Variants in GNE observed in about 807,000 individuals in gnomAD.
GNE encodes bifunctional UDP-N-acetylglucosamine 2-epimerase/N-acetylmannosamine kinase.
A neutral mutation model predicts 61.8 loss-of-function variants in GNE; 41 were observed. The observed-to-expected ratio is 0.66, with a 90% confidence interval of 0.52 to 0.86. The LOEUF is 0.86. Among genes scored for constraint, GNE ranks in the 40% least tolerant of loss-of-function variants. The pLI is 0.00. For synonymous variants in GNE, 264 were observed against 326.4 expected, an observed-to-expected ratio of 0.81 and a Z score of 2.06; for missense variants, 608 against 909.1, an observed-to-expected ratio of 0.67 and a Z score of 4.26.
intron 4 of GNE, among the ~76,000 whole-genome samples, chr9:36,235,857 T>G (rs1829368422): frequency 6.6e-6 from 1 of 152,166 alleles, no homozygotes; most frequent in Non-Finnish European, 1.5e-5. Flanking sequence ...GCCTAAGAAC[T>G]CAACAATGAG....
chr9:36,246,352 G>C lies in GNE; in HGVS notation c.295C>G (p.Leu99Val), dbSNP rs1829874612. 1 of 1,613,952 alleles carries C rather than the reference G, an allele frequency of 6.2e-7. No homozygotes were observed. The highest frequency in any genetic ancestry group is 8.5e-7 in the Non-Finnish European group (1 of 1,179,920). Residue 99 changes from leucine (L) to valine (V), a missense_variant, in exon 3 of 12, where the codon CTT becomes GTT. Physicochemically the swap from Leu to Val is conservative, Grantham distance 32. Coordinates refer to ENST00000642385, the MANE Select transcript of GNE (RefSeq NM_005476.7). ...GLALVKLPDV[L>V]NRLKPDIMIV... is the part of the protein sequence containing the mutation. ...ATGATATCAGGCTTCAGGCGATTAA[G>C]GACATCTGGCAGCTTCACTAGGGCC...
intron 2 of GNE, among the ~76,000 whole-genome samples, chr9:36,248,136 A>G (rs1018597268): frequency 6.6e-6 from 1 of 152,132 alleles, no homozygotes; most frequent in Non-Finnish European, 1.5e-5. Context: ...TTTTTAAAGA[A>G]TAGTCTGAAA....
intron 6 of GNE, 27 bp downstream of exon 6, chr9:36,228,994 A>G: frequency 7.9e-7 from 1 of 1,264,266 alleles, no homozygotes; most frequent in Non-Finnish European, 1.2e-6. Flanking sequence ...CTTTTAAATC[A>G]CTCAACAAAG....
rs1383409516 is a variant in GNE, at chr9:36,215,740, A to C, written c.*1625T>G. 6.6e-6 allele frequency: 1 copy of C among 152,420 alleles called. No homozygotes were observed. Among genetic ancestry groups the C allele is most frequent in the Non-Finnish European group, 1.5e-5 (1 of 68,202 alleles). 9.4% of individuals were successfully genotyped at this position (152,420 alleles called of 1,614,324 possible). ...CAGTTAGTATTTCTTCCAAGTTAAC[A>C]ATTCATAGCCAGAACTTTGGCTTTT... On this transcript the variant is annotated 3_prime_UTR_variant, in exon 12 of 12. Coordinates refer to ENST00000642385, the MANE Select transcript of GNE (RefSeq NM_005476.7).
intron 5 of GNE, among the ~76,000 whole-genome samples, chr9:36,230,311 G>A (rs1829083058): frequency 6.6e-6 from 1 of 152,048 alleles, no homozygotes; most frequent in Non-Finnish European, 1.5e-5. Context: ...TATTTTGGGG[G>A]CTTTATAGAT....
chr9:36,226,316 G>A (rs1828861291), intron 7 of GNE, among the ~76,000 whole-genome samples: 1 of 151,536 alleles, frequency 6.6e-6, no homozygotes, highest in Non-Finnish European at 1.5e-5. Flanking sequence ...GGGATTACAG[G>A]TGCCTGCCAC....
chr9:36,234,480 T>G (rs1829311534), intron 4 of GNE, among the ~76,000 whole-genome samples: 1 of 152,068 alleles, frequency 6.6e-6, no homozygotes, highest in Non-Finnish European at 1.5e-5. Flanking sequence ...AGTTCCCAAA[T>G]GGAACCCTCT....
intron 1 of GNE, among the ~76,000 whole-genome samples, chr9:36,256,942 G>C (rs1287014835): frequency 6.6e-6 from 1 of 151,892 alleles, no homozygotes; most frequent in East Asian, 1.9e-4. Flanking sequence ...CGCGGTGGCT[G>C]ACGCCTGTAA....
intron 1 of GNE, among the ~76,000 whole-genome samples, chr9:36,253,593 T>C (rs746522435): frequency 6.6e-6 from 1 of 152,062 alleles, no homozygotes; most frequent in Non-Finnish European, 1.5e-5. Context: ...TCTTACTTTT[T>C]AAAATGCTTT....
chr9:36,257,781 C>A (rs1258805898), intron 1 of GNE, among the ~76,000 whole-genome samples: 1 of 106,724 alleles, frequency 9.4e-6, no homozygotes, highest in South Asian at 3.2e-4. Flanking sequence ...CCAGCCTGGG[C>A]GACAGAGCGA....
chr9:36,247,512 C>A (rs1034743141), intron 2 of GNE, among the ~76,000 whole-genome samples: 3 of 152,110 alleles, frequency 2.0e-5, no homozygotes, highest in Non-Finnish European at 2.9e-5. Context: ...TCCTATTTAA[C>A]GGTCTCATCA....
At chr9:36,275,023 C>T (rs1031531562) in intron 1 of GNE, among the ~76,000 whole-genome samples, 7 of 152,200 alleles carry the variant, frequency 4.6e-5, no homozygotes, top group Admixed American at 1.3e-4. Flanking sequence ...CGCACCCGGC[C>T]GGTTTCACAA....
intron 3 of GNE, among the ~76,000 whole-genome samples, chr9:36,241,119 CT>C (rs36007906): frequency 1.9e-3 from 276 of 143,292 alleles, no homozygotes; most frequent in Non-Finnish European, 2.2e-3. Flanking sequence ...GTTTCATTTA[CT>C]TTTTTTTTTT....
At chr9:36,267,308 C>A (rs1405527582) in intron 1 of GNE, among the ~76,000 whole-genome samples, 1 of 152,202 alleles carries the variant, frequency 6.6e-6, no homozygotes, top group Non-Finnish European at 1.5e-5. Context: ...TGGTGGTGAG[C>A]CATCCCTATG....
At chr9:36,252,339 A>G (rs1447845071) in intron 1 of GNE, among the ~76,000 whole-genome samples, 1 of 152,216 alleles carries the variant, frequency 6.6e-6, no homozygotes, top group African/African-American at 2.4e-5. Flanking sequence ...GGTTGTCGTA[A>G]GTGTTCTTGT....
At chr9:36,258,565 C>T (rs1425472514), upstream of GNE, 1 of 941,760 alleles carries the variant, frequency 1.1e-6, no homozygotes, top group South Asian at 4.9e-5. Flanking sequence ...TTGGCTGCTC[C>T]CGTCCCCGTC....
intron 7 of GNE, among the ~76,000 whole-genome samples, chr9:36,224,606 C>G (rs574865342): frequency 1.3e-5 from 2 of 152,144 alleles, no homozygotes; most frequent in Admixed American, 1.3e-4. Flanking sequence ...TGGTGGCTCA[C>G]GCCTGTAATC....
At chr9:36,256,691 T>A (rs957068111) in intron 1 of GNE, among the ~76,000 whole-genome samples, 1 of 152,214 alleles carries the variant, frequency 6.6e-6, no homozygotes. Context: ...AGAATATTTT[T>A]AAGGCTATCA....
rs1828508733 is a variant in GNE at position 36,219,881 on chromosome 9, G to A, written c.1773C>T (p.Ala591=). ...CGSHGCIEAY[A]SGMALQREAK... ...CCTCCCTCTGCAAGGCCATTCCAGA[G>A]GCGTATGCTTCAATGCACCCATGGC... The change falls in exon 10 of 12, where the codon GCC becomes GCT. Residue 591 remains alanine, a synonymous_variant. Coordinates refer to ENST00000642385, the MANE Select transcript of GNE (RefSeq NM_005476.7). The A allele has an allele frequency of 6.2e-7, 1 of 1,614,210 alleles. No individual in the cohort carries two copies. The highest frequency in any genetic ancestry group is 8.5e-7 in the Non-Finnish European group (1 of 1,180,022).
Sources: gnomAD v4.1 joint callset for allele counts (sites outside exome capture counted in the v4.1 genomes callset) on GRCh38, gnomAD v4.1.1 for gene constraint, MANE v1.5 for transcripts, NCBI Gene and HGNC (gene_info 2026-07-23, HGNC 2026-07-21) for gene names.